The following GRB14 variants were observed in gnomAD, a reference collection of about 807,000 sequenced individuals.
The protein encoded by GRB14 is growth factor receptor-bound protein 14.
GRB14 carries 38 observed loss-of-function variants against 69.1 expected under a neutral mutation model. The observed-to-expected ratio is 0.55, with a 90% CI of 0.42 to 0.72. The LOEUF (loss-of-function observed/expected upper bound fraction) is 0.72, where lower values mean the gene tolerates loss of function less well. Among genes scored for constraint, GRB14 ranks in the 30% least tolerant of loss-of-function variants. GRB14 has a pLI of 0.00. For synonymous variants in GRB14, 247 were observed against 241.3 expected (o/e 1.02, Z -0.22); for missense variants, 666 against 666.1 (o/e 1.00, Z 0.00).
intron 8 of GRB14, among the ~76,000 whole-genome samples, chr2:164,507,759 A>ATAATTGTTG (rs1387835938): frequency 1.5e-5 from 1 of 68,730 alleles, no homozygotes; most frequent in African/African-American, 1.2e-4. Context: ...GAAATAGTTG[A>ATAATTGTTG]TAAGTATACA....
At chr2:164,562,788 C>T (rs944104987) in intron 2 of GRB14, among the ~76,000 whole-genome samples, 1 of 152,168 alleles carries the variant, frequency 6.6e-6, no homozygotes, top group African/African-American at 2.4e-5. Flanking sequence ...AAAGAATGCT[C>T]CCAAAGCCAG....
intron 3 of GRB14, among the ~76,000 whole-genome samples, chr2:164,537,103 C>CT (rs1688100079): frequency 1.3e-5 from 2 of 152,156 alleles, no homozygotes; most frequent in Non-Finnish European, 2.9e-5. Context: ...TCCCGGCCTG[C>CT]TGTCAGATAG....
chr2:164,571,453 A>C (rs1689120301), intron 2 of GRB14, among the ~76,000 whole-genome samples: 1 of 152,244 alleles, frequency 6.6e-6, no homozygotes, highest in South Asian at 2.1e-4. Flanking sequence ...TGTTTTTAAC[A>C]CAACAGAGTC....
chr2:164,518,131 C>A (rs1179266870), intron 6 of GRB14, among the ~76,000 whole-genome samples: 1 of 152,100 alleles, frequency 6.6e-6, no homozygotes, highest in East Asian at 1.9e-4. Context: ...CAAAACAAGT[C>A]TTAATACATT....
intron 2 of GRB14, among the ~76,000 whole-genome samples, chr2:164,601,823 C>T (rs4130269): frequency 0.75 from 114,716 of 152,028 alleles, 43,937 homozygotes; most frequent in Admixed American, 0.81. Context: ...ACAATCTTAA[C>T]AGTTTTGAAG....
chr2:164,508,411 T>A (rs1191961831), intron 8 of GRB14, 44 bp downstream of exon 8: 1 of 1,443,200 alleles, frequency 6.9e-7, no homozygotes, highest in Non-Finnish European at 9.7e-7. Flanking sequence ...ACTTTTATGG[T>A]ACTCACAGCA....
At chr2:164,616,321 G>A (rs1461609425) in intron 2 of GRB14, among the ~76,000 whole-genome samples, 1 of 151,434 alleles carries the variant, frequency 6.6e-6, no homozygotes, top group Admixed American at 6.6e-5. Flanking sequence ...AGCTACTCGG[G>A]AGGCTGAGGC....
chr2:164,524,205 G>A (rs1189177150), intron 5 of GRB14, among the ~76,000 whole-genome samples: 2 of 152,008 alleles, frequency 1.3e-5, no homozygotes, highest in Non-Finnish European at 1.5e-5. Flanking sequence ...AAGATCAGGG[G>A]ATACTGAGTG....
At chr2:164,494,384 A>T in intron 13 of GRB14, 47 bp downstream of exon 13, 2 of 1,007,886 alleles carry the variant, frequency 2.0e-6, no homozygotes, top group Non-Finnish European at 3.2e-6. Context: ...AAGCTTATGC[A>T]TTAAGGTCAT....
intron 4 of GRB14, among the ~76,000 whole-genome samples, chr2:164,525,684 C>T (rs1026445873): frequency 2.0e-5 from 3 of 152,018 alleles, no homozygotes; most frequent in African/African-American, 7.2e-5. Context: ...TTAATAAGCA[C>T]TCTCCCCTCA....
chr2:164,555,993 A>G (rs1023543450), intron 2 of GRB14, among the ~76,000 whole-genome samples: 1 of 152,104 alleles, frequency 6.6e-6, no homozygotes, highest in Non-Finnish European at 1.5e-5. Flanking sequence ...AAATATTTTT[A>G]TATCAGGGTC....
intron 2 of GRB14, among the ~76,000 whole-genome samples, chr2:164,573,180 C>T (rs1229498251): frequency 6.6e-6 from 1 of 152,186 alleles, no homozygotes; most frequent in African/African-American, 2.4e-5. Flanking sequence ...ACTTTTTCCA[C>T]TCAACACAAA....
At chr2:164,547,203 C>G (rs1448570839) in intron 3 of GRB14, among the ~76,000 whole-genome samples, 1 of 152,122 alleles carries the variant, frequency 6.6e-6, no homozygotes, top group Non-Finnish European at 1.5e-5. Context: ...TCTCTCTAAA[C>G]AGACACAAGG....
chr2:164,508,650 C>G, intron 7 of GRB14, 92 bp downstream of exon 7: 1 of 1,422,682 alleles, frequency 7.0e-7, no homozygotes, highest in Non-Finnish European at 9.7e-7. Context: ...TAAGAGAAAG[C>G]TGTCTCTTTT....
chr2:164,570,818 G>A (rs1193639610), intron 2 of GRB14, among the ~76,000 whole-genome samples: 2 of 152,290 alleles, frequency 1.3e-5, no homozygotes, highest in Middle Eastern at 3.4e-3. Flanking sequence ...GTCCTGTATA[G>A]ATTACAGTGC....
At chr2:164,576,933 G>T (rs531650072) in intron 2 of GRB14, among the ~76,000 whole-genome samples, 22 of 151,474 alleles carry the variant, frequency 1.5e-4, no homozygotes, top group Admixed American at 1.1e-3. Context: ...AAGGGAGAAG[G>T]TACCAAAATA....
chr2:164,495,301 G>A (rs1272493744), intron 12 of GRB14, among the ~76,000 whole-genome samples: 1 of 151,700 alleles, frequency 6.6e-6, no homozygotes, highest in Non-Finnish European at 1.5e-5. Context: ...TTTTGATTCT[G>A]GTTTCAACTG....
chr2:164,529,678 AT>A (rs946428973), intron 3 of GRB14, among the ~76,000 whole-genome samples: 1 of 152,110 alleles, frequency 6.6e-6, no homozygotes, highest in Non-Finnish European at 1.5e-5. Flanking sequence ...CACTGTCACC[AT>A]TTCAATTTAG....
intron 2 of GRB14, among the ~76,000 whole-genome samples, chr2:164,591,976 C>T (rs1179064541): frequency 1.3e-5 from 2 of 152,058 alleles, no homozygotes; most frequent in Non-Finnish European, 2.9e-5. Context: ...TAAGGGGAAA[C>T]CCCTTTTGCT....
Sources: gnomAD v4.1 joint callset for allele counts (sites outside exome capture counted in the v4.1 genomes callset) on GRCh38, gnomAD v4.1.1 for gene constraint, MANE v1.5 for transcripts, NCBI Gene and HGNC (gene_info 2026-07-23, HGNC 2026-07-21) for gene names.